The following RYR1 variants were observed in gnomAD, a reference collection of about 807,000 sequenced individuals.
RYR1 encodes ryanodine receptor 1.
RYR1 carries 342 observed loss-of-function variants against 583.5 expected under a neutral mutation model. The observed-to-expected ratio is 0.59, with a 90% CI of 0.54 to 0.64. The LOEUF (loss-of-function observed/expected upper bound fraction) is 0.64, where lower values mean the gene tolerates loss of function less well. RYR1 is among the 30% of genes least tolerant of loss of function. The pLI is 0.00. For missense variants in RYR1, 6,032 were observed against 6,917.2 expected (o/e 0.87, Z 4.54); for synonymous variants, 2,791 against 2,822.5 (o/e 0.99, Z 0.35).
At chr19:38,551,890 G>A (rs1021280070) in intron 89 of RYR1, among the ~76,000 whole-genome samples, 5 of 152,192 alleles carry the variant, frequency 3.3e-5, no homozygotes, top group South Asian at 2.1e-4. Context: ...TGTGCCCTGC[G>A]TATAAATGAA....
intron 60 of RYR1, 32 bp from the exon 61 acceptor site, chr19:38,511,529 C>T (rs778855657): frequency 6.2e-7 from 1 of 1,612,918 alleles, no homozygotes; most frequent in Non-Finnish European, 8.5e-7. Flanking sequence ...CTCGCTGTTT[C>T]TCCTGCCTTC....
rs149405241 is a variant in RYR1, at chr19:38,456,572, G to A, written c.1791+821G>A. Among the ~76,000 whole-genome samples, 527 of 151,568 alleles carry A rather than the reference G, an allele frequency of 3.5e-3. 4 individuals carry two copies. The highest frequency in any genetic ancestry group is 0.012 in the African/African-American group (504 of 41,292). On this transcript the variant is annotated intron_variant, in intron 16 of 105. Transcript: ENST00000359596. The stretch of plus-strand genomic sequence containing the variant: ...GCTGGGATTACAGGTGTGAGCCACC[G>A]TGCCCCACCGGTGGCGCTGAAATGT...
chr19:38,553,453 T>G (rs1237872051), intron 89 of RYR1, among the ~76,000 whole-genome samples: 1 of 151,376 alleles, frequency 6.6e-6, no homozygotes, highest in African/African-American at 2.4e-5. Context: ...AAGACCAGCC[T>G]GGACAATATA....
chr19:38,433,896 G>A lies in RYR1; in HGVS notation c.45+22G>A, dbSNP rs373011150. 11 of 1,607,432 alleles carry A rather than the reference G, an allele frequency of 6.8e-6. No homozygotes were observed. The South Asian group carries it at 9.9e-5, about 14-fold the overall frequency. On this transcript the variant is annotated intron_variant, in intron 1 of 105. Transcript: ENST00000359596. ...GACGGTGCGTATCTCTGGGTTAGGG[G>A]CCTGTGGGGCTATCTCTTGGGGCTC...
intron 90 of RYR1, among the ~76,000 whole-genome samples, chr19:38,564,210 C>T (rs1973281449): frequency 6.6e-6 from 1 of 152,088 alleles, no homozygotes; most frequent in Non-Finnish European, 1.5e-5. Flanking sequence ...CAGACCCTGT[C>T]TCTGCAAAAA....
At chr19:38,582,493 A>C (rs899983381) in intron 101 of RYR1, among the ~76,000 whole-genome samples, 1 of 151,968 alleles carries the variant, frequency 6.6e-6, no homozygotes, top group Non-Finnish European at 1.5e-5. Context: ...CACAATTAAA[A>C]GTTTCACCCA....
At position 38,455,767 on chromosome 19, in the gene RYR1, C is replaced by G; in HGVS notation, c.1791+16C>G. ...GAACCACAAGGTCGGCCCCTCACCC[C>G]TGACCTCTCATCCCCTGAACTCTGA... On this transcript the variant is annotated intron_variant, in intron 16 of 105. Transcript: ENST00000359596. The G allele has an allele frequency of 6.7e-7, 1 of 1,485,272 alleles. No homozygotes were observed. The highest frequency in any genetic ancestry group is 9.4e-7 in the Non-Finnish European group (1 of 1,064,052). The allele number at this position is 1,485,272 out of a possible 1,614,324, so 92.0% of individuals were successfully genotyped here.
intron 3 of RYR1, 77 bp downstream of exon 3, chr19:38,442,530 C>A: frequency 9.5e-7 from 1 of 1,051,238 alleles, no homozygotes; most frequent in East Asian, 2.4e-5. Flanking sequence ...GGCACGGTGG[C>A]AAGGATGGGT....
chr19:38,443,640 C>T lies in RYR1; in HGVS notation c.345+8C>T. The T allele has an allele frequency of 1.2e-6, 2 of 1,614,074 alleles. No individual in the cohort carries two copies. Among genetic ancestry groups the T allele is most frequent in the East Asian group, 2.2e-5 (1 of 44,876 alleles). ...CATGCACACAGCCGCATGGTGAGTG[C>T]AACCTCGGTGGGCGTGGGCAGGGGC... On this transcript the variant is annotated splice_region_variant and intron_variant, in intron 4 of 105. Coordinates refer to ENST00000359596, the MANE Select transcript of RYR1 (RefSeq NM_000540.3).
chr19:38,460,007 C>T (rs1600689915), intron 19 of RYR1, among the ~76,000 whole-genome samples: 1 of 152,134 alleles, frequency 6.6e-6, no homozygotes, highest in African/African-American at 2.4e-5. Context: ...GTAACAGATG[C>T]TCAGTGACTT....
Position 38,466,144 on chromosome 19 carries a change from G to C in RYR1, c.2924G>C (p.Arg975Pro). The stretch of plus-strand genomic sequence containing the variant: ...GCTCCGCTGGACCTGAGCCACGTGC[G>C]GCTGACGCCGGCGCAGACGACACTG... ...KPAPLDLSHV[R>P]LTPAQTTLVD... The change falls in exon 24 of 106, where the codon CGG becomes CCG. Residue 975 changes from arginine to proline, a missense_variant. Arg to Pro is a moderately radical substitution (Grantham distance 103, BLOSUM62 -2). Around this residue, in one of 11 missense-constraint regions of RYR1, gnomAD observed 2,627 missense variants for 2,961.3 expected, o/e 0.89. Coordinates refer to ENST00000359596, the MANE Select transcript of RYR1 (RefSeq NM_000540.3). 6.2e-7 allele frequency: 1 copy of C among 1,613,280 alleles called. No individual in the cohort carries two copies. The highest frequency in any genetic ancestry group is 8.5e-7 in the Non-Finnish European group (1 of 1,179,830).
Position 38,511,930 on chromosome 19 carries a change from C to G in RYR1, c.9173-142C>G. 5 of 1,009,636 alleles carry G rather than the reference C, an allele frequency of 5.0e-6. No individual in the cohort carries two copies. In the East Asian group the frequency reaches 1.3e-4, roughly 26 times the overall value. 62.5% of individuals were successfully genotyped at this position (1,009,636 alleles called of 1,614,324 possible). ...GGACATTTGGAGGCGCTGTAGGAGT[C>G]TGGGGGGGTGGGGGTGCAGTAGCAT... On this transcript the variant is annotated intron_variant, in intron 61 of 105. Coordinates refer to ENST00000359596, the MANE Select transcript of RYR1 (RefSeq NM_000540.3).
chr19:38,449,456 C>A lies in RYR1; in HGVS notation c.1122+643C>A, dbSNP rs143460364. ...AGCCTGGCTGACAAGAGTGAAACTC[C>A]GTCTCAGAAAAACAAAAACAAAACA... On this transcript the variant is annotated intron_variant, in intron 11 of 105. Transcript: ENST00000359596. Among the ~76,000 whole-genome samples the A allele has an allele frequency of 3.5e-3, 539 of 152,164 alleles. 3 individuals carry two copies. Among genetic ancestry groups the A allele is most frequent in the African/African-American group, 0.012 (513 of 41,504 alleles).
intron 31 of RYR1, among the ~76,000 whole-genome samples, chr19:38,479,152 A>G (rs1006999861): frequency 2.0e-5 from 3 of 152,200 alleles, no homozygotes; most frequent in Non-Finnish European, 2.9e-5. Context: ...CCAACCAGGG[A>G]ACACGCTAGG....
chr19:38,459,764 C>T (rs1310087944), intron 19 of RYR1, among the ~76,000 whole-genome samples: 3 of 152,074 alleles, frequency 2.0e-5, no homozygotes, highest in African/African-American at 7.2e-5. Flanking sequence ...ACTCCAGACC[C>T]TCCTTAACCC....
rs1973378919 is a variant in RYR1 at position 38,565,623 on chromosome 19, G to A, written c.13289G>A (p.Gly4430Glu). 7.1e-7 allele frequency: 1 copy of A among 1,412,068 alleles called. No homozygotes were observed. Among genetic ancestry groups the A allele is most frequent in the Non-Finnish European group, 9.1e-7 (1 of 1,093,342 alleles). The allele number at this position is 1,412,068 out of a possible 1,614,324, so 87.5% of individuals were successfully genotyped here. ...GAGGAGGAGGCGGTGCACGAGGCCG[G>A]GCCGGGCGGTGCCGACGGGGCGGTG... ...GDEEEAVHEA[G>E]PGGADGAVAV... Residue 4430 changes from glycine to glutamate, a missense_variant, in exon 91 of 106, where the codon GGG becomes GAG. Around this residue, in one of 11 missense-constraint regions of RYR1, gnomAD observed 753 missense variants for 759.6 expected, o/e 0.99. Transcript: ENST00000359596. The surrounding 1 kb of genome is among the most constrained non-coding windows in gnomAD (Gnocchi z 4.7).
Position 38,496,586 on chromosome 19 carries a change from T to C in RYR1, c.6796+45T>C, listed in dbSNP as rs1416432681. 3.1e-6 allele frequency: 5 copies of C among 1,611,172 alleles called. No homozygotes were observed. The East Asian group carries it at 8.9e-5, about 29-fold the overall frequency. ...GGGGCTGTCCCCCAGAACCCACTCC[T>C]GGCACCCCGTCCAGGCCTGCCCCAC... On this transcript the variant is annotated intron_variant, in intron 41 of 105. Coordinates refer to ENST00000359596, the MANE Select transcript of RYR1 (RefSeq NM_000540.3). This position sits in a 1 kb window ranked among gnomAD's most constrained non-coding sequence, Gnocchi z 4.8.
chr19:38,483,609 G>A lies in RYR1; in HGVS notation c.4934+93G>A, dbSNP rs990124223. 2.4e-5 allele frequency: 28 copies of A among 1,154,198 alleles called. No individual in the cohort carries two copies. The highest frequency in any genetic ancestry group is 2.0e-4 in the African/African-American group (13 of 65,574). 71.5% of individuals were successfully genotyped at this position (1,154,198 alleles called of 1,614,324 possible). A position where few individuals can be genotyped will look rare whatever the true frequency, so the allele number is the denominator to read the frequency against. On this transcript the variant is annotated intron_variant, in intron 33 of 105. Transcript: ENST00000359596. The surrounding 1 kb of genome is among the most constrained non-coding windows in gnomAD (Gnocchi z 6.3). The stretch of plus-strand genomic sequence containing the variant: ...CAGTGCCCCTCCTCAACACAACCCC[G>A]GGATTCCAGACTACACCCCAGGAAT...
Position 38,490,677 on chromosome 19 carries a change from T to A in RYR1, c.6072T>A (p.Pro2024=), listed in dbSNP as rs748584800. Residue 2024 remains proline (P), a synonymous_variant, in exon 37 of 106, where the codon CCT becomes CCA. Coordinates refer to ENST00000359596, the MANE Select transcript of RYR1 (RefSeq NM_000540.3). ...DGTDEEDCPL[P]EEIRQDLLDF... ...CAGATGAGGAAGACTGTCCTCTCCC[T>A]GAAGAGATTCGACAGGATTTGCTTG... 5 of 1,613,866 alleles carry A rather than the reference T, an allele frequency of 3.1e-6. No individual in the cohort carries two copies. In the African/African-American group the frequency reaches 4.0e-5, roughly 13 times the overall value.
Sources: gnomAD v4.1 joint callset for allele counts (sites outside exome capture counted in the v4.1 genomes callset) on GRCh38, gnomAD v4.1.1 for gene constraint, gnomAD v4.1.1 regional missense constraint, Gnocchi (gnomAD v3.1) non-coding constraint, MANE v1.5 for transcripts, NCBI Gene and HGNC (gene_info 2026-07-23, HGNC 2026-07-21) for gene names.